Variants in SPAG7 observed in about 807,000 individuals in gnomAD.
The protein encoded by SPAG7 is sperm-associated antigen 7.
In SPAG7, 20 loss-of-function variants were observed where a neutral mutation model predicts 30.6. The observed-to-expected ratio is 0.65, with a 90% CI of 0.46 to 0.95. SPAG7 has a LOEUF of 0.95. Among genes scored for constraint, SPAG7 ranks in the 40% least tolerant of loss-of-function variants. SPAG7 has a pLI of 0.00. For synonymous variants in SPAG7, 127 were observed against 104.2 expected (o/e 1.22, Z -1.33); for missense variants, 276 against 291.1 (o/e 0.95, Z 0.38).
intron 1 of SPAG7, among the ~76,000 whole-genome samples, chr17:4,962,450 T>C (rs903837478): frequency 6.6e-6 from 1 of 151,800 alleles, no homozygotes; most frequent in African/African-American, 2.4e-5. Context: ...CTTTATTGCC[T>C]AGGCTGGCGT....
rs779053566 is a variant in SPAG7, at chr17:4,959,895, C to T, written c.439G>A (p.Glu147Lys). 1 of 1,613,490 alleles carries T rather than the reference C, an allele frequency of 6.2e-7. No individual in the cohort carries two copies. The highest frequency in any genetic ancestry group is 1.3e-5 in the African/African-American group (1 of 74,942). ...KLKELAQRQEEEAAQQGPVVV... is the reference protein window; with the variant it reads ...KLKELAQRQEKEAAQQGPVVV... ...ACAGGCCCCTGCTGGGCTGCCTCCT[C>T]CTCTTGCCTCTGGGCCAGCTCCTAG... Residue 147 changes from glutamate to lysine, a missense_variant, in exon 6 of 7, where the codon GAG (glutamate) becomes AAG (lysine). By Grantham distance (56) the Glu-to-Lys change is moderately conservative. Transcript: ENST00000206020.
chr17:4,959,923 GTGAAAGT>G lies in SPAG7; in HGVS notation c.418-14_418-8del. ...CTTGCCTCTGGGCCAGCTCCTAGGGGTGAAAGTGGGGGCACTGGTGCTCAGGGCCCCA... is the reference window on the plus strand; with the variant it reads ...CTTGCCTCTGGGCCAGCTCCTAGGGGGGGGGCACTGGTGCTCAGGGCCCCA... On this transcript the variant is annotated splice_polypyrimidine_tract_variant and splice_region_variant and intron_variant, in intron 5 of 6. Coordinates refer to ENST00000206020, the MANE Select transcript of SPAG7 (RefSeq NM_004890.3). The G allele has an allele frequency of 1.2e-6, 2 of 1,612,902 alleles. No individual in the cohort carries two copies. The highest frequency in any genetic ancestry group is 4.5e-5 in the East Asian group (2 of 44,884).
At chr17:4,962,362 C>T (rs1359586544) in intron 1 of SPAG7, among the ~76,000 whole-genome samples, 1 of 152,104 alleles carries the variant, frequency 6.6e-6, no homozygotes, top group African/African-American at 2.4e-5. Flanking sequence ...GATCCCCCCG[C>T]CTCACCTTCC....
chr17:4,961,438 C>T (rs1971861466), intron 1 of SPAG7, among the ~76,000 whole-genome samples: 1 of 144,046 alleles, frequency 6.9e-6, no homozygotes, highest in South Asian at 2.2e-4. Flanking sequence ...GCCTGGGCAA[C>T]AAGAGTGAAC....
At chr17:4,959,697 A>T in intron 6 of SPAG7, 54 bp from the exon 7 acceptor site, 1 of 1,613,378 alleles carries the variant, frequency 6.2e-7, no homozygotes, top group Non-Finnish European at 8.5e-7. Flanking sequence ...CTCAGCCTCC[A>T]CTGCCCTCCT....
At chr17:4,960,149 A>G in intron 4 of SPAG7, 38 bp from the exon 5 acceptor site, 6 of 1,604,880 alleles carry the variant, frequency 3.7e-6, no homozygotes, top group Non-Finnish European at 5.1e-6. Context: ...GAGTCCATAC[A>G]AATGTTTCAT....
intron 1 of SPAG7, among the ~76,000 whole-genome samples, chr17:4,964,410 G>C (rs1271015763): frequency 1.4e-5 from 2 of 141,960 alleles, no homozygotes; most frequent in Admixed American, 1.5e-4. Context: ...CGCCCAGGCT[G>C]GAGTGCAGTG....
intron 1 of SPAG7, 148 bp downstream of exon 1, chr17:4,967,572 G>C (rs535387318): frequency 1.2e-5 from 8 of 679,684 alleles, no homozygotes; most frequent in East Asian, 1.0e-4. Context: ...CAGCGGGCGT[G>C]TCAGCAGCCC....
intron 6 of SPAG7, 21 bp downstream of exon 6, chr17:4,959,739 C>G (rs1167077896): frequency 1.2e-6 from 2 of 1,614,194 alleles, no homozygotes; most frequent in Non-Finnish European, 1.7e-6. Context: ...CCAGCCACCC[C>G]CAGCCGCACT....
intron 1 of SPAG7, chr17:4,967,076 A>G (rs955736264): frequency 2.0e-6 from 2 of 985,692 alleles, no homozygotes; most frequent in Non-Finnish European, 2.4e-6. Context: ...AGGCGGAGAC[A>G]GTGGCCAATC....
intron 1 of SPAG7, chr17:4,965,833 T>A (rs1169489214): frequency 6.7e-6 from 1 of 148,836 alleles, no homozygotes; most frequent in East Asian, 1.9e-4. Context: ...AATGTTTATT[T>A]ATTTATTTAT....
At chr17:4,967,598 G>A (rs4790718) in intron 1 of SPAG7, 122 bp downstream of exon 1, 53,921 of 755,736 alleles carry the variant, frequency 0.071, 2,220 homozygotes, top group Middle Eastern at 0.18. Flanking sequence ...GGGACTCTGA[G>A]GGTCTCGGAA....
At chr17:4,967,616 G>T in intron 1 of SPAG7, 104 bp downstream of exon 1, 1 of 874,648 alleles carries the variant, frequency 1.1e-6, no homozygotes, top group Admixed American at 1.9e-5. Flanking sequence ...GAAGGGGCCT[G>T]TGAGGGGTCT....
intron 1 of SPAG7, chr17:4,967,160 G>C: frequency 1.0e-6 from 1 of 986,424 alleles, no homozygotes; most frequent in Non-Finnish European, 1.2e-6. Flanking sequence ...TTAAGGCTAC[G>C]GATGGGAAAA....
intron 1 of SPAG7, chr17:4,967,092 C>T: frequency 1.0e-6 from 1 of 985,670 alleles, no homozygotes; most frequent in Non-Finnish European, 1.2e-6. Context: ...CAATCGGACC[C>T]GGCGGGTATT....
chr17:4,967,597 A>C, intron 1 of SPAG7, 123 bp downstream of exon 1: 2 of 752,026 alleles, frequency 2.7e-6, no homozygotes, highest in Non-Finnish European at 4.6e-6. Flanking sequence ...AGGGACTCTG[A>C]GGGTCTCGGA....
chr17:4,960,101 G>C lies in SPAG7; in HGVS notation c.338C>G (p.Pro113Arg), dbSNP rs1187486716. ...YVMIFKKEFAPSDEELDSYRR... is the reference protein window; with the variant it reads ...YVMIFKKEFARSDEELDSYRR... Reference sequence around the variant, plus strand: ...GTAAGAGTCTAGCTCTTCATCTGAGGGTGCAAACTCCTGAAGAAGAGCAGA... The same window carrying C: ...GTAAGAGTCTAGCTCTTCATCTGAGCGTGCAAACTCCTGAAGAAGAGCAGA... Residue 113 changes from proline to arginine, a missense_variant, in exon 5 of 7, where the codon CCC (proline) becomes CGC (arginine). Pro to Arg is a moderately radical substitution (Grantham distance 103). Coordinates refer to ENST00000206020, the MANE Select transcript of SPAG7 (RefSeq NM_004890.3). 3 of 1,613,658 alleles carry C rather than the reference G, an allele frequency of 1.9e-6. No homozygotes were observed. Among genetic ancestry groups the C allele is most frequent in the African/African-American group, 2.7e-5 (2 of 74,906 alleles).
intron 1 of SPAG7, among the ~76,000 whole-genome samples, chr17:4,962,070 C>A (rs572807688): frequency 6.6e-6 from 1 of 152,130 alleles, no homozygotes; most frequent in African/African-American, 2.4e-5. Context: ...TAATGCTTAA[C>A]CCCCTTTCCC....
At chr17:4,967,487 C>A (rs539130835) in intron 1 of SPAG7, among the ~76,000 whole-genome samples, 4 of 152,234 alleles carry the variant, frequency 2.6e-5, no homozygotes, top group African/African-American at 2.4e-5. Flanking sequence ...ACAAGGACTG[C>A]GGAAGGCCAG....
Sources: gnomAD v4.1 joint callset for allele counts (sites outside exome capture counted in the v4.1 genomes callset) on GRCh38, gnomAD v4.1.1 for gene constraint, MANE v1.5 for transcripts, NCBI Gene and HGNC (gene_info 2026-07-23, HGNC 2026-07-21) for gene names.